The following SYT9 variants were observed in gnomAD, a reference collection of about 807,000 sequenced individuals.
SYT9 encodes the protein synaptotagmin-9.
SYT9 carries 22 observed loss-of-function variants against 48.4 expected under a neutral mutation model. The ratio of observed to expected loss-of-function variants is 0.45; its 90% CI spans 0.32 to 0.65. SYT9 has a LOEUF of 0.65. SYT9 is among the 30% of genes least tolerant of loss of function. The probability of loss-of-function intolerance (pLI) is 0.03; values close to 1 mark genes in which losing one functional copy is unlikely to be tolerated. For synonymous variants in SYT9, 265 were observed against 245.0 expected (o/e 1.08, Z -0.76); for missense variants, 577 against 622.0 (o/e 0.93, Z 0.77).
chr11:7,293,586 G>A (rs964589711), intron 1 of SYT9, among the ~76,000 whole-genome samples: 25 of 152,274 alleles, frequency 1.6e-4, no homozygotes, highest in African/African-American at 5.3e-4. Context: ...AGTGGTTTTC[G>A]TCTTAGATAC....
At chr11:7,305,161 T>A (rs1450728329) in intron 2 of SYT9, among the ~76,000 whole-genome samples, 1 of 152,138 alleles carries the variant, frequency 6.6e-6, no homozygotes, top group Non-Finnish European at 1.5e-5. Flanking sequence ...AGGAAAAAAA[T>A]TAAAAGGGAG....
chr11:7,283,351 C>T (rs1239879197), intron 1 of SYT9, among the ~76,000 whole-genome samples: 1 of 152,014 alleles, frequency 6.6e-6, no homozygotes, highest in Non-Finnish European at 1.5e-5. Flanking sequence ...AGATTGAAGA[C>T]AGTGGTAAAA....
At chr11:7,362,200 G>A (rs917977124) in intron 3 of SYT9, among the ~76,000 whole-genome samples, 18 of 148,652 alleles carry the variant, frequency 1.2e-4, no homozygotes, top group East Asian at 4.0e-4. Context: ...GCTGGAGTGC[G>A]GTGGTGTGAT....
At chr11:7,452,155 AAAAC>A (rs1044844486) in intron 6 of SYT9, among the ~76,000 whole-genome samples, 15 of 151,066 alleles carry the variant, frequency 9.9e-5, no homozygotes, top group South Asian at 2.1e-4. Flanking sequence ...ACACTGAGGA[AAAAC>A]AAACAATGAT....
At chr11:7,461,167 A>C (rs559985843) in intron 6 of SYT9, 1 of 151,968 alleles carries the variant, frequency 6.6e-6, no homozygotes, top group African/African-American at 2.4e-5. Flanking sequence ...ACCCTTATCG[A>C]ATTTTTGTTA....
intron 3 of SYT9, among the ~76,000 whole-genome samples, chr11:7,414,041 G>A (rs1330844873): frequency 1.3e-5 from 2 of 152,114 alleles, no homozygotes; most frequent in East Asian, 3.9e-4. Context: ...ATGGGCTTAT[G>A]TCGGAGGAAA....
chr11:7,311,583 T>G (rs1013728209), intron 2 of SYT9, among the ~76,000 whole-genome samples: 2 of 152,180 alleles, frequency 1.3e-5, no homozygotes, highest in Admixed American at 1.3e-4. Context: ...CCAGTGGATA[T>G]TGAGGATGCA....
intron 3 of SYT9, among the ~76,000 whole-genome samples, chr11:7,410,141 A>T (rs916523989): frequency 6.6e-6 from 1 of 152,174 alleles, no homozygotes; most frequent in African/African-American, 2.4e-5. Flanking sequence ...ATTTCCATGT[A>T]TCTGTAGGTA....
intron 6 of SYT9, chr11:7,441,694 C>G (rs1004496696): frequency 6.6e-6 from 1 of 152,174 alleles, no homozygotes; most frequent in Non-Finnish European, 1.5e-5. Flanking sequence ...AAAGTAGCCA[C>G]AGGAAAACGC....
chr11:7,262,769 G>A (rs576001644), intron 1 of SYT9, among the ~76,000 whole-genome samples: 11 of 152,206 alleles, frequency 7.2e-5, no homozygotes, highest in Non-Finnish European at 1.3e-4. Context: ...TAGAGAGGTG[G>A]GAACAAGAGC....
At chr11:7,343,866 T>C (rs189998131) in intron 3 of SYT9, among the ~76,000 whole-genome samples, 17 of 152,304 alleles carry the variant, frequency 1.1e-4, no homozygotes, top group East Asian at 7.7e-4. Flanking sequence ...GTAAAAGGCA[T>C]GTCTTACATG....
chr11:7,416,233 T>C lies in SYT9; in HGVS notation c.1165+71T>C, dbSNP rs1847245546. The C allele has an allele frequency of 6.3e-6, 10 of 1,577,686 alleles. No homozygotes were observed. In the South Asian group the frequency reaches 1.0e-4, roughly 16 times the overall value. ...GTAAGTACCTTATAAAGTTTTAGTATGGTAATAAAGCACATTGACTCTGGA... is the reference window on the plus strand; with the variant it reads ...GTAAGTACCTTATAAAGTTTTAGTACGGTAATAAAGCACATTGACTCTGGA... On this transcript the variant is annotated intron_variant, in intron 4 of 6. Coordinates refer to ENST00000318881, the MANE Select transcript of SYT9 (RefSeq NM_175733.4).
chr11:7,340,534 G>A (rs1172615332), intron 3 of SYT9, among the ~76,000 whole-genome samples: 2 of 152,178 alleles, frequency 1.3e-5, no homozygotes, highest in Non-Finnish European at 2.9e-5. Context: ...AAGTGGTCAG[G>A]CAGGAGCAGG....
chr11:7,431,503 C>T (rs772679714), intron 6 of SYT9, among the ~76,000 whole-genome samples: 1 of 152,224 alleles, frequency 6.6e-6, no homozygotes, highest in Non-Finnish European at 1.5e-5. Context: ...GAACCACTTG[C>T]TAGAGATATT....
At chr11:7,300,524 C>CACATTCCT (rs1406707137) in intron 1 of SYT9, among the ~76,000 whole-genome samples, 2 of 152,224 alleles carry the variant, frequency 1.3e-5, no homozygotes, top group Non-Finnish European at 2.9e-5. Flanking sequence ...GTTATCTCAT[C>CACATTCCT]ACATTCCTAA....
chr11:7,291,402 C>T (rs779334643), intron 1 of SYT9, among the ~76,000 whole-genome samples: 3 of 152,130 alleles, frequency 2.0e-5, no homozygotes, highest in Non-Finnish European at 4.4e-5. Context: ...TATTTGAGTA[C>T]AGGATATTTT....
At chr11:7,383,564 T>C (rs1263704788) in intron 3 of SYT9, among the ~76,000 whole-genome samples, 1 of 152,180 alleles carries the variant, frequency 6.6e-6, no homozygotes, top group African/African-American at 2.4e-5. Context: ...GGTGGGTAAG[T>C]GGGCCTTCCC....
intron 3 of SYT9, among the ~76,000 whole-genome samples, chr11:7,408,177 G>A (rs563004368): frequency 1.3e-3 from 195 of 152,260 alleles, no homozygotes; most frequent in African/African-American, 1.8e-3. Context: ...TGCCCAGGCT[G>A]GAGTGCAATG....
At chr11:7,422,833 A>G (rs1217115838) in intron 6 of SYT9, among the ~76,000 whole-genome samples, 4 of 152,162 alleles carry the variant, frequency 2.6e-5, no homozygotes. Flanking sequence ...TACACAAAGG[A>G]GAGTGCAGGG....
Sources: allele counts gnomAD v4.1 joint callset (sites outside exome capture counted in the v4.1 genomes callset), GRCh38; gene constraint gnomAD v4.1.1; transcripts MANE v1.5; gene names NCBI Gene and HGNC (gene_info 2026-07-23, HGNC 2026-07-21).